C12orf50: variants seen among roughly 807,000 people sequenced by gnomAD.
The protein encoded by C12orf50 is uncharacterized protein C12orf50.
A neutral mutation model predicts 61.6 loss-of-function variants in C12orf50; 35 were observed. The observed-to-expected ratio is 0.57, with a 90% CI of 0.43 to 0.75. C12orf50 has a LOEUF of 0.75. C12orf50 is among the 30% of genes least tolerant of loss of function. The pLI is 0.00. For missense variants in C12orf50, 475 were observed against 488.5 expected (o/e 0.97, Z 0.26); for synonymous variants, 178 against 161.5 (o/e 1.10, Z -0.77).
At chr12:87,993,542 G>A (rs560426689) in intron 7 of C12orf50, among the ~76,000 whole-genome samples, 2 of 152,006 alleles carry the variant, frequency 1.3e-5, no homozygotes, top group Non-Finnish European at 2.9e-5. Context: ...TGTAAGAAAG[G>A]AGAAAAAATA....
rs1382673670 is a variant in C12orf50, at chr12:87,986,351, C to G, written c.883G>C (p.Asp295His). 2 of 1,611,638 alleles carry G rather than the reference C, an allele frequency of 1.2e-6. No homozygotes were observed. Among genetic ancestry groups the G allele is most frequent in the Admixed American group, 3.3e-5 (2 of 59,780 alleles). ...KGVKKRKWIY[D>H]EPQNFPNSGM... ...GAGTTAGGAAAGTTCTGTGGTTCATCATAAATCCATTTTCTTTTCTTCACA... is the reference window on the plus strand; with the variant it reads ...GAGTTAGGAAAGTTCTGTGGTTCATGATAAATCCATTTTCTTTTCTTCACA... Residue 295 changes from aspartate (D) to histidine (H), a missense_variant, in exon 10 of 13, where the codon GAT (aspartate) becomes CAT (histidine). Transcript: ENST00000298699.
intron 7 of C12orf50, among the ~76,000 whole-genome samples, chr12:87,990,468 C>G (rs61942334): frequency 0.076 from 11,581 of 152,090 alleles, 1,215 homozygotes; most frequent in African/African-American, 0.24. Flanking sequence ...TTGGTTTCTA[C>G]CATGACCAAA....
At chr12:88,015,590 G>A (rs74717703) in intron 3 of C12orf50, among the ~76,000 whole-genome samples, 9,148 of 152,178 alleles carry the variant, frequency 0.06, 968 homozygotes, top group African/African-American at 0.21. Flanking sequence ...TTTAAAACAA[G>A]TTTGTCTAAG....
Position 87,980,229 on chromosome 12 carries a change from T to G in C12orf50, c.*102A>C, listed in dbSNP as rs1213975316. ...ATCTTTGGCTATCCACTACATAACATGGAGTACTTGAGTATCTCATTCTTT... is the reference window on the plus strand; with the variant it reads ...ATCTTTGGCTATCCACTACATAACAGGGAGTACTTGAGTATCTCATTCTTT... On this transcript the variant is annotated 3_prime_UTR_variant, in exon 13 of 13. Transcript: ENST00000298699. The G allele has an allele frequency of 6.1e-6, 7 of 1,152,962 alleles. No homozygotes were observed. The Admixed American group carries it at 1.3e-4, about 22-fold the overall frequency. The allele number at this position is 1,152,962 out of a possible 1,614,324, so 71.4% of individuals were successfully genotyped here. A position where few individuals can be genotyped will look rare whatever the true frequency, so the allele number is the denominator to read the frequency against.
intron 1 of C12orf50, chr12:88,027,929 G>A (rs1311155610): frequency 2.0e-5 from 3 of 152,032 alleles, no homozygotes; most frequent in South Asian, 2.1e-4. Context: ...CTCATAGCAC[G>A]GGTTAGTAGG....
intron 3 of C12orf50, among the ~76,000 whole-genome samples, chr12:88,015,863 C>A (rs1209161835): frequency 1.3e-5 from 2 of 152,040 alleles, no homozygotes; most frequent in Non-Finnish European, 2.9e-5. Flanking sequence ...AGTCCAAAAC[C>A]TTTTAAAATT....
rs1298562199 is a variant in C12orf50, at chr12:87,994,730, T to A, written c.495A>T (p.Thr165=). Residue 165 remains threonine, a synonymous_variant, in exon 7 of 13, where the codon ACA becomes ACT. Transcript: ENST00000298699. ...CATATTGGCTAAGTTTTGTCGGAAC[T>A]GTAAGACTATCTCCTAGAAATAAGA... ...GSELQEGDSL[T]VPTKLSQYER... is the part of the protein sequence containing the mutation. 1.2e-6 allele frequency: 2 copies of A among 1,608,842 alleles called. No individual in the cohort carries two copies. Among genetic ancestry groups the A allele is most frequent in the Non-Finnish European group, 8.5e-7 (1 of 1,175,810 alleles).
intron 9 of C12orf50, among the ~76,000 whole-genome samples, chr12:87,987,290 G>A (rs906678509): frequency 3.0e-4 from 45 of 152,208 alleles, no homozygotes; most frequent in African/African-American, 1.1e-3. Flanking sequence ...GCAAGGATTT[G>A]GAATCCATAT....
chr12:88,009,289 T>C (rs944416840), intron 3 of C12orf50, among the ~76,000 whole-genome samples: 43 of 152,126 alleles, frequency 2.8e-4, no homozygotes, highest in Non-Finnish European at 6.2e-4. Context: ...TAATTCCTAA[T>C]GTTCTTTGTC....
chr12:88,014,452 C>T (rs2136473206), intron 3 of C12orf50, among the ~76,000 whole-genome samples: 1 of 152,252 alleles, frequency 6.6e-6, no homozygotes, highest in South Asian at 2.1e-4. Context: ...CAGGCATCTG[C>T]CACTACGTCC....
chr12:87,980,442 T>A, intron 12 of C12orf50, 86 bp from the exon 13 acceptor site: 1 of 1,196,956 alleles, frequency 8.4e-7, no homozygotes, highest in Non-Finnish European at 1.2e-6. Context: ...TTACTTGCCG[T>A]AAATCTAAAG....
At chr12:87,994,545 A>G in intron 7 of C12orf50, 88 bp downstream of exon 7, 1 of 1,066,276 alleles carries the variant, frequency 9.4e-7, no homozygotes, top group Non-Finnish European at 1.4e-6. Flanking sequence ...CATGGACAAA[A>G]AAAGAAAATT....
At chr12:88,005,265 T>A (rs2031812833) in intron 3 of C12orf50, among the ~76,000 whole-genome samples, 1 of 152,192 alleles carries the variant, frequency 6.6e-6, no homozygotes, top group Admixed American at 6.5e-5. Context: ...AATTTTTGAG[T>A]GACTTTGTTG....
At chr12:88,022,296 T>G (rs2032545223) in intron 3 of C12orf50, among the ~76,000 whole-genome samples, 1 of 151,934 alleles carries the variant, frequency 6.6e-6, no homozygotes, top group African/African-American at 2.4e-5. Context: ...TTAATAAAAT[T>G]CAACATCCCT....
chr12:88,027,166 A>G (rs1295441996), intron 1 of C12orf50, 96 bp from the exon 2 acceptor site: 1 of 1,245,406 alleles, frequency 8.0e-7, no homozygotes, highest in Non-Finnish European at 1.1e-6. Context: ...ATATGAGTAG[A>G]TTACACTAGA....
chr12:88,007,762 G>T (rs12372226), intron 3 of C12orf50, among the ~76,000 whole-genome samples: 24,668 of 151,996 alleles, frequency 0.16, 3,272 homozygotes, highest in African/African-American at 0.37. Flanking sequence ...TTCACCTAAT[G>T]AAGAGGTAAT....
At chr12:88,011,964 A>G (rs1380705413) in intron 3 of C12orf50, among the ~76,000 whole-genome samples, 2 of 152,228 alleles carry the variant, frequency 1.3e-5, no homozygotes, top group African/African-American at 4.8e-5. Context: ...GAATTTTGCA[A>G]GAATACTGAC....
Position 87,985,814 on chromosome 12 carries a change from C to A in C12orf50, c.1126+36G>T, listed in dbSNP as rs979652234. On this transcript the variant is annotated intron_variant, in intron 11 of 12. Coordinates refer to ENST00000298699, the MANE Select transcript of C12orf50 (RefSeq NM_152589.3). ...AGAAATTCCATGGGAATGCAAACCA[C>A]AGACAAGAGTAAACCACATCAACAA... is the stretch of plus-strand genomic sequence containing the variant. 2.5e-6 allele frequency: 4 copies of A among 1,603,566 alleles called. No homozygotes were observed. In the African/African-American group the frequency reaches 5.4e-5, roughly 21 times the overall value.
chr12:87,994,603 T>C (rs1186445521), intron 7 of C12orf50, 30 bp downstream of exon 7: 6 of 1,396,218 alleles, frequency 4.3e-6, no homozygotes, highest in Non-Finnish European at 6.1e-6. Context: ...GGTGATATAT[T>C]CAGGGTCAAT....
Sources: allele counts gnomAD v4.1 joint callset (sites outside exome capture counted in the v4.1 genomes callset), GRCh38; gene constraint gnomAD v4.1.1; transcripts MANE v1.5; gene names NCBI Gene and HGNC (gene_info 2026-07-23, HGNC 2026-07-21).